C2CD2: variants seen among roughly 807,000 people sequenced by gnomAD.
C2CD2 encodes the protein C2 calcium dependent domain containing 2.
In C2CD2, 43 loss-of-function variants were observed where a neutral mutation model predicts 74.3. The ratio of observed to expected loss-of-function variants is 0.58; its 90% confidence interval spans 0.45 to 0.75. The LOEUF is 0.75. C2CD2 is among the 30% of genes least tolerant of loss of function. The pLI, the probability that C2CD2 is intolerant of heterozygous loss-of-function variation, is 0.00. For synonymous variants in C2CD2, 422 were observed against 390.7 expected (o/e 1.08, Z -0.94); for missense variants, 801 against 916.3 (o/e 0.87, Z 1.63).
At chr21:41,917,430 CT>C (rs1432459082) in intron 5 of C2CD2, among the ~76,000 whole-genome samples, 6 of 152,256 alleles carry the variant, frequency 3.9e-5, no homozygotes, top group African/African-American at 1.4e-4. Flanking sequence ...CTATAAGTGC[CT>C]GTTGTACGTA....
intron 1 of C2CD2, among the ~76,000 whole-genome samples, chr21:41,949,735 A>G (rs910800062): frequency 6.6e-6 from 1 of 152,206 alleles, no homozygotes; most frequent in African/African-American, 2.4e-5. Flanking sequence ...CTTGGAACCA[A>G]CCCAAATGCC....
At chr21:41,921,825 T>G in intron 3 of C2CD2, 147 bp downstream of exon 3, 1 of 615,444 alleles carries the variant, frequency 1.6e-6, no homozygotes, top group South Asian at 2.0e-5. Flanking sequence ...AAATCCTATA[T>G]GAAAGGTTAC....
chr21:41,893,911 G>A (rs1437097077), intron 13 of C2CD2, among the ~76,000 whole-genome samples: 2 of 152,136 alleles, frequency 1.3e-5, no homozygotes, highest in Non-Finnish European at 2.9e-5. Flanking sequence ...ATATTGGTCA[G>A]GCTGGTCTCG....
intron 11 of C2CD2, among the ~76,000 whole-genome samples, chr21:41,904,885 A>C (rs938791199): frequency 6.6e-6 from 1 of 152,154 alleles, no homozygotes; most frequent in Non-Finnish European, 1.5e-5. Flanking sequence ...GTTAATCCCC[A>C]AATTTAGATT....
intron 1 of C2CD2, among the ~76,000 whole-genome samples, chr21:41,951,364 C>G (rs573975342): frequency 6.7e-6 from 1 of 150,300 alleles, no homozygotes; most frequent in Non-Finnish European, 1.5e-5. Context: ...CCCCCACCCC[C>G]GTCCCCAGGA....
At chr21:41,935,418 G>T (rs922803107) in intron 2 of C2CD2, among the ~76,000 whole-genome samples, 1 of 152,116 alleles carries the variant, frequency 6.6e-6, no homozygotes, top group Non-Finnish European at 1.5e-5. Context: ...CAATGAACTC[G>T]TATTGATTTT....
Position 41,945,029 on chromosome 21 carries a change from T to C in C2CD2, c.280-2784A>G, listed in dbSNP as rs1488697463. Among the ~76,000 whole-genome samples, 5 of 152,172 alleles carry C rather than the reference T, an allele frequency of 3.3e-5. No homozygotes were observed. The highest frequency in any genetic ancestry group is 6.5e-5 in the Admixed American group (1 of 15,280). On this transcript the variant is annotated intron_variant, in intron 1 of 13. Coordinates refer to ENST00000380486, the MANE Select transcript of C2CD2 (RefSeq NM_015500.2). This position sits in a 1 kb window ranked among gnomAD's most constrained non-coding sequence, Gnocchi z 4.2. ...AAACTGCATCTTGACTGCATATAAA[T>C]GCTATAATCCAGTAAATGTGTTTCA...
At chr21:41,928,641 C>T (rs914155017) in intron 2 of C2CD2, among the ~76,000 whole-genome samples, 1 of 151,410 alleles carries the variant, frequency 6.6e-6, no homozygotes, top group Non-Finnish European at 1.5e-5. Context: ...TCATGGTGCC[C>T]ATACCAAACA....
intron 1 of C2CD2, among the ~76,000 whole-genome samples, chr21:41,944,005 A>AT (rs1371522396): frequency 6.6e-6 from 1 of 152,230 alleles, no homozygotes; most frequent in African/African-American, 2.4e-5. Context: ...CTGAGAGAAC[A>AT]GAACCCAGCA....
At chr21:41,905,883 T>A in intron 10 of C2CD2, 46 bp from the exon 11 acceptor site, 1 of 1,032,716 alleles carries the variant, frequency 9.7e-7, no homozygotes, top group Non-Finnish European at 1.5e-6. Context: ...CGTGGCTGAC[T>A]GGATCAACAG....
At position 41,946,590 on chromosome 21, in the gene C2CD2, G is replaced by C. The variant is rs115764131; in HGVS notation, c.280-4345C>G. 6.3e-3 allele frequency among the ~76,000 whole-genome samples: 964 copies of C among 152,308 alleles called. 8 individuals are homozygous for C. Among genetic ancestry groups the C allele is most frequent in the African/African-American group, 0.022 (906 of 41,558 alleles). ...CAGAACCTGCTATACTTCCTGGACA[G>C]CAGAACCATCAGCCAATTAAACCTC... is the stretch of plus-strand genomic sequence containing the variant. On this transcript the variant is annotated intron_variant, in intron 1 of 13. Coordinates refer to ENST00000380486, the MANE Select transcript of C2CD2 (RefSeq NM_015500.2).
intron 1 of C2CD2, chr21:41,953,050 C>T (rs948558372): frequency 1.5e-5 from 5 of 324,228 alleles, no homozygotes; most frequent in Non-Finnish European, 2.8e-5. Context: ...GAATTCGCCC[C>T]GGGACTCCAG....
chr21:41,894,189 T>A (rs1225124788), intron 13 of C2CD2, among the ~76,000 whole-genome samples: 1 of 152,216 alleles, frequency 6.6e-6, no homozygotes, highest in Non-Finnish European at 1.5e-5. Context: ...GGGTGGGGAC[T>A]GAGGTTTGCA....
chr21:41,887,358 C>G lies in C2CD2; in HGVS notation c.*1766G>C, dbSNP rs2064696099. On this transcript the variant is annotated 3_prime_UTR_variant, in exon 14 of 14. Coordinates refer to ENST00000380486, the MANE Select transcript of C2CD2 (RefSeq NM_015500.2). ...GGTTGGAAAAGTCATTTTAAAGTCA[C>G]TTGATAATTCCTGGAACACCTAAGA... 1 of 152,066 alleles carries G rather than the reference C, an allele frequency of 6.6e-6. No individual in the cohort carries two copies. The highest frequency in any genetic ancestry group is 2.4e-5 in the African/African-American group (1 of 41,404). 9.4% of individuals were successfully genotyped at this position (152,066 alleles called of 1,614,324 possible). A position where few individuals can be genotyped will look rare whatever the true frequency, so the allele number is the denominator to read the frequency against.
intron 2 of C2CD2, among the ~76,000 whole-genome samples, chr21:41,932,276 C>T (rs888936646): frequency 1.3e-5 from 2 of 149,998 alleles, no homozygotes; most frequent in Non-Finnish European, 3.0e-5. Flanking sequence ...AGTCCCTGCC[C>T]TCCCCCTCCG....
At position 41,918,931 on chromosome 21, in the gene C2CD2, C is replaced by T. The variant is rs375742069; in HGVS notation, c.522G>A (p.Glu174=). The change falls in exon 4 of 14, where the codon GAG becomes GAA. Residue 174 remains glutamate, a synonymous_variant. Coordinates refer to ENST00000380486, the MANE Select transcript of C2CD2 (RefSeq NM_015500.2). ...QLEFHMKEKR[E]DLQISWSFIS... is the part of the protein sequence containing the mutation. ...TGAAAGACCAGCTAATCTGGAGGTCCTCTCTCTTCTCCTTCATGTGGAACT... is the reference window on the plus strand; with the variant it reads ...TGAAAGACCAGCTAATCTGGAGGTCTTCTCTCTTCTCCTTCATGTGGAACT... 17 of 1,581,902 alleles carry T rather than the reference C, an allele frequency of 1.1e-5. No homozygotes were observed. Among genetic ancestry groups the T allele is most frequent in the Non-Finnish European group, 1.5e-5 (17 of 1,150,860 alleles).
At position 41,912,156 on chromosome 21, in the gene C2CD2, C is replaced by G. The variant is rs536237987; in HGVS notation, c.953+176G>C. 1.5e-5 allele frequency: 8 copies of G among 548,676 alleles called. No individual in the cohort carries two copies. The Admixed American group carries it at 2.6e-4, about 18-fold the overall frequency. The allele number at this position is 548,676 out of a possible 1,614,324, so 34.0% of individuals were successfully genotyped here. Reference sequence around the variant, plus strand: ...AAACTGACTCTAAGAGCTGCCTTTACAACAAAACCCATGTTTGACCTAAAG... The same window carrying G: ...AAACTGACTCTAAGAGCTGCCTTTAGAACAAAACCCATGTTTGACCTAAAG... On this transcript the variant is annotated intron_variant, in intron 7 of 13. Coordinates refer to ENST00000380486, the MANE Select transcript of C2CD2 (RefSeq NM_015500.2).
chr21:41,915,365 C>T (rs1380601069), intron 5 of C2CD2, among the ~76,000 whole-genome samples: 1 of 152,186 alleles, frequency 6.6e-6, no homozygotes, highest in Non-Finnish European at 1.5e-5. Context: ...GAAAGCACCC[C>T]CAAATCTGGA....
At chr21:41,943,751 A>T (rs2065375144) in intron 1 of C2CD2, among the ~76,000 whole-genome samples, 1 of 152,216 alleles carries the variant, frequency 6.6e-6, no homozygotes, top group Non-Finnish European at 1.5e-5. Context: ...ACCCGCGTAA[A>T]CCTAAAGGGG....
Sources: allele counts gnomAD v4.1 joint callset (sites outside exome capture counted in the v4.1 genomes callset), GRCh38; gene constraint gnomAD v4.1.1; non-coding constraint Gnocchi (gnomAD v3.1); transcripts MANE v1.5; gene names NCBI Gene and HGNC (gene_info 2026-07-23, HGNC 2026-07-21).